The following RBFOX1 variants were observed in gnomAD, a reference collection of about 807,000 sequenced individuals.
The protein encoded by RBFOX1 is RNA binding protein fox-1 homolog 1.
In RBFOX1, 8 loss-of-function variants were observed where a neutral mutation model predicts 57.7. That is an observed-to-expected ratio of 0.14 (90% CI 0.08 to 0.25). The LOEUF is 0.25. Ranked by LOEUF, RBFOX1 falls within the 10% of genes least tolerant of loss-of-function variation. The probability of loss-of-function intolerance (pLI) is 1.00; values close to 1 mark genes in which losing one functional copy is unlikely to be tolerated. For synonymous variants in RBFOX1, 326 were observed against 222.4 expected (o/e 1.47, Z -4.15); for missense variants, 611 against 548.5 (o/e 1.11, Z -1.14).
At chr16:5,925,413 C>T (rs1324107582) in intron 4 of RBFOX1, among the ~76,000 whole-genome samples, 1 of 152,212 alleles carries the variant, frequency 6.6e-6, no homozygotes, top group Non-Finnish European at 1.5e-5. Context: ...CTGAAGAACA[C>T]TTACTCCATG....
intron 2 of RBFOX1, among the ~76,000 whole-genome samples, chr16:5,509,538 G>A (rs1183396773): frequency 6.6e-6 from 1 of 152,216 alleles, no homozygotes; most frequent in African/African-American, 2.4e-5. Context: ...AGATGAAGTG[G>A]CTGGCGGCCC....
Position 7,144,559 on chromosome 16 carries a change from G to A in RBFOX1, c.27+92461G>A, listed in dbSNP as rs567951967. Among the ~76,000 whole-genome samples, 6 of 151,582 alleles carry A rather than the reference G, an allele frequency of 4.0e-5. No individual in the cohort carries two copies. The South Asian group carries it at 1.3e-3, about 32-fold the overall frequency. Reference sequence around the variant, plus strand: ...CCTGCCTCAGCCGCAAAAAGAGCTGGAATTACATGCATGAGCTACTGCGCC... The same window carrying A: ...CCTGCCTCAGCCGCAAAAAGAGCTGAAATTACATGCATGAGCTACTGCGCC... On this transcript the variant is annotated intron_variant, in intron 4 of 15. Transcript: ENST00000550418.
intron 3 of RBFOX1, among the ~76,000 whole-genome samples, chr16:5,731,346 A>G (rs12928199): frequency 0.17 from 25,152 of 152,218 alleles, 2,494 homozygotes; most frequent in East Asian, 0.35. Flanking sequence ...TGTAATCACC[A>G]TCATATTAAT....
intron 14 of RBFOX1, among the ~76,000 whole-genome samples, chr16:7,707,004 G>A (rs1313306441): frequency 1.3e-5 from 2 of 152,180 alleles, no homozygotes; most frequent in African/African-American, 4.8e-5. Context: ...TTTTTGATAA[G>A]AAGGACTGAA....
intron 3 of RBFOX1, among the ~76,000 whole-genome samples, chr16:6,724,589 A>G (rs535750853): frequency 6.6e-6 from 1 of 152,328 alleles, no homozygotes; most frequent in Admixed American, 6.5e-5. Context: ...CCCGGCCTCC[A>G]GAACTATAAG....
chr16:7,320,995 A>G (rs1004214491), intron 4 of RBFOX1, among the ~76,000 whole-genome samples: 1 of 152,182 alleles, frequency 6.6e-6, no homozygotes, highest in Non-Finnish European at 1.5e-5. Context: ...AATATGATAC[A>G]TTGCTATTAC....
intron 3 of RBFOX1, among the ~76,000 whole-genome samples, chr16:6,688,467 C>A (rs746222212): frequency 6.6e-6 from 1 of 152,064 alleles, no homozygotes; most frequent in Non-Finnish European, 1.5e-5. Context: ...GACCCCTTGG[C>A]AACAGCAGTG....
chr16:6,892,122 C>A (rs2065586868), intron 3 of RBFOX1, among the ~76,000 whole-genome samples: 1 of 152,118 alleles, frequency 6.6e-6, no homozygotes, highest in Non-Finnish European at 1.5e-5. Context: ...TTACCCAAGT[C>A]CCCAAACCCC....
At chr16:6,764,251 C>A (rs897884760) in intron 3 of RBFOX1, among the ~76,000 whole-genome samples, 1 of 152,178 alleles carries the variant, frequency 6.6e-6, no homozygotes, top group African/African-American at 2.4e-5. Flanking sequence ...ATTGGCTGGA[C>A]TTGAAAGCAC....
intron 3 of RBFOX1, among the ~76,000 whole-genome samples, chr16:6,930,257 C>G (rs566051556): frequency 7.9e-5 from 12 of 152,102 alleles, no homozygotes; most frequent in Non-Finnish European, 1.5e-4. Flanking sequence ...GACTCAAAAC[C>G]GAGCAGAGGA....
chr16:6,545,574 A>G (rs1367636002), intron 2 of RBFOX1, among the ~76,000 whole-genome samples: 1 of 152,124 alleles, frequency 6.6e-6, no homozygotes, highest in Non-Finnish European at 1.5e-5. Context: ...CAGAAACGCA[A>G]TTCCCAACCC....
intron 4 of RBFOX1, among the ~76,000 whole-genome samples, chr16:7,370,954 C>G (rs548126189): frequency 2.0e-5 from 3 of 152,146 alleles, no homozygotes; most frequent in South Asian, 4.2e-4. Flanking sequence ...CATGGTGACC[C>G]CAGAAGCAAA....
intron 2 of RBFOX1, among the ~76,000 whole-genome samples, chr16:6,575,832 G>C (rs12444806): frequency 0.42 from 63,091 of 150,322 alleles, 14,774 homozygotes; most frequent in East Asian, 0.67. Flanking sequence ...ACTCTAGTCT[G>C]GGTGACAGAG....
Position 5,288,802 on chromosome 16 carries a change from T to G in RBFOX1, c.219+48697T>G, listed in dbSNP as rs189091690. 2.7e-4 allele frequency among the ~76,000 whole-genome samples: 41 copies of G among 152,172 alleles called. 1 individual carries two copies. Among genetic ancestry groups the G allele is most frequent in the Admixed American group, 2.6e-3 (40 of 15,286 alleles). On this transcript the variant is annotated intron_variant, in intron 1 of 2. Coordinates refer to the RBFOX1 transcript ENST00000585867. ...AAGAAAACCCAGCATCACAGCGGCA[T>G]GATCTCCTGGTGAAGGGAGCAGGTA... is the stretch of plus-strand genomic sequence containing the variant.
chr16:7,699,259 T>A (rs189547202), intron 14 of RBFOX1, among the ~76,000 whole-genome samples: 3 of 104,066 alleles, frequency 2.9e-5, no homozygotes, highest in African/African-American at 1.0e-4. Context: ...AGCCTGATCT[T>A]AGCTTCCTGT....
At chr16:7,438,067 C>G (rs1250645700) in intron 4 of RBFOX1, among the ~76,000 whole-genome samples, 1 of 152,056 alleles carries the variant, frequency 6.6e-6, no homozygotes, top group Non-Finnish European at 1.5e-5. Flanking sequence ...AATTATAGTT[C>G]TGAGATGGGA....
intron 1 of RBFOX1, among the ~76,000 whole-genome samples, chr16:5,318,749 A>T (rs2064313946): frequency 1.3e-5 from 2 of 152,228 alleles, no homozygotes; most frequent in Non-Finnish European, 2.9e-5. Flanking sequence ...CTCTAAAGGG[A>T]TTTGCAGATA....
intron 3 of RBFOX1, among the ~76,000 whole-genome samples, chr16:6,843,346 GA>G (rs377137422): frequency 0.025 from 3,679 of 146,674 alleles, 87 homozygotes; most frequent in African/African-American, 0.051. Context: ...TTCCAGGGAG[GA>G]AAAAAAAAAA....
At chr16:6,497,520 A>C (rs1415527775) in intron 2 of RBFOX1, among the ~76,000 whole-genome samples, 1 of 151,908 alleles carries the variant, frequency 6.6e-6, no homozygotes, top group Non-Finnish European at 1.5e-5. Flanking sequence ...CATGTGGAAT[A>C]ACCTCCAGTA....
Sources: gnomAD v4.1 joint callset for allele counts (sites outside exome capture counted in the v4.1 genomes callset) on GRCh38, gnomAD v4.1.1 for gene constraint, MANE v1.5 for transcripts, NCBI Gene and HGNC (gene_info 2026-07-23, HGNC 2026-07-21) for gene names.